Variants in VAC14 observed in about 807,000 individuals in gnomAD.
VAC14 encodes protein VAC14 homolog.
VAC14 carries 47 observed loss-of-function variants against 85.3 expected under a neutral mutation model. The ratio of observed to expected loss-of-function variants is 0.55; its 90% CI spans 0.44 to 0.70. The LOEUF is 0.70. Ranked by LOEUF, VAC14 falls within the 30% of genes least tolerant of loss-of-function variation. VAC14 has a pLI of 0.00. For synonymous variants in VAC14, 447 were observed against 430.5 expected (o/e 1.04, Z -0.47); for missense variants, 861 against 1,004.3 (o/e 0.86, Z 1.93).
At chr16:70,726,783 A>G (rs781571323) in intron 14 of VAC14, among the ~76,000 whole-genome samples, 1 of 152,232 alleles carries the variant, frequency 6.6e-6, no homozygotes, top group Non-Finnish European at 1.5e-5. Context: ...GCCTGGAGCC[A>G]GAGTAGCTGG....
At chr16:70,753,671 G>A (rs2031590277) in intron 12 of VAC14, among the ~76,000 whole-genome samples, 1 of 152,184 alleles carries the variant, frequency 6.6e-6, no homozygotes, top group Admixed American at 6.5e-5. Flanking sequence ...CAGCCCCTGG[G>A]CACCCGGGCT....
chr16:70,749,317 C>T (rs2031186862), intron 12 of VAC14, among the ~76,000 whole-genome samples: 1 of 152,256 alleles, frequency 6.6e-6, no homozygotes, highest in African/African-American at 2.4e-5. Flanking sequence ...CACTGCAGAG[C>T]ACAGCCAGCA....
intron 14 of VAC14, among the ~76,000 whole-genome samples, chr16:70,706,165 ATG>A (rs1158046200): frequency 6.6e-6 from 1 of 152,198 alleles, no homozygotes; most frequent in Admixed American, 6.5e-5. Context: ...GTCATGGGGC[ATG>A]GGGTCAGCGA....
At chr16:70,694,313 G>C (rs1304917935) in intron 17 of VAC14, among the ~76,000 whole-genome samples, 4 of 152,224 alleles carry the variant, frequency 2.6e-5, no homozygotes, top group Non-Finnish European at 5.9e-5. Flanking sequence ...GTCTTTTTAG[G>C]ATCTGACCTC....
intron 14 of VAC14, among the ~76,000 whole-genome samples, chr16:70,718,039 C>A (rs1025175918): frequency 6.6e-6 from 1 of 152,240 alleles, no homozygotes; most frequent in East Asian, 1.9e-4. Context: ...AGAACACCTG[C>A]GTTCCAGGAG....
At chr16:70,711,763 G>A (rs1189878416) in intron 14 of VAC14, among the ~76,000 whole-genome samples, 1 of 152,168 alleles carries the variant, frequency 6.6e-6, no homozygotes, top group Non-Finnish European at 1.5e-5. Context: ...TTAGTCCAGG[G>A]GTTTTGTGAA....
At chr16:70,753,910 CTCCTCTTTGTGGGGT>C (rs1422749579) in intron 12 of VAC14, among the ~76,000 whole-genome samples, 1 of 152,146 alleles carries the variant, frequency 6.6e-6, no homozygotes, top group East Asian at 1.9e-4. Context: ...GCTGGGCTGG[CTCCTCTTTGTGGGGT>C]TCCTCCTACC....
chr16:70,700,846 C>T (rs1002241129), intron 14 of VAC14, among the ~76,000 whole-genome samples: 6 of 152,204 alleles, frequency 3.9e-5, no homozygotes, highest in Admixed American at 6.5e-5. Context: ...GTGCCGTCTC[C>T]ATGACAGAGG....
intron 14 of VAC14, among the ~76,000 whole-genome samples, chr16:70,704,681 G>A (rs1370099164): frequency 6.6e-6 from 1 of 152,212 alleles, no homozygotes; most frequent in Non-Finnish European, 1.5e-5. Context: ...GACTCATCGT[G>A]GGAGCCTGGG....
At position 70,762,664 on chromosome 16, in the gene VAC14, C is replaced by CAGTG; in HGVS notation, c.1306-63_1306-60dup. On this transcript the variant is annotated intron_variant, in intron 11 of 18. Coordinates refer to ENST00000261776, the MANE Select transcript of VAC14 (RefSeq NM_018052.5). This position sits in a 1 kb window ranked among gnomAD's most constrained non-coding sequence, Gnocchi z 4.1. ...GCTCCCTTCGCCCCGGGACTACGTG[C>CAGTG]AGTGCAGTGTCCCGCTGGTGTGCAC... 1 of 1,580,762 alleles carries CAGTG rather than the reference C, an allele frequency of 6.3e-7. No individual in the cohort carries two copies. Among genetic ancestry groups the CAGTG allele is most frequent in the Non-Finnish European group, 8.7e-7 (1 of 1,153,684 alleles).
chr16:70,738,416 G>T (rs1167796231), intron 13 of VAC14, among the ~76,000 whole-genome samples: 1 of 152,222 alleles, frequency 6.6e-6, no homozygotes, highest in African/African-American at 2.4e-5. Context: ...TCAGGTCAGA[G>T]CGAGAGAGAA....
In VAC14 at chr16:70,776,032, C is replaced by A. The variant is rs542167249; in HGVS notation, c.1097-3860G>T. Among the ~76,000 whole-genome samples the A allele has an allele frequency of 2.6e-5, 4 of 152,346 alleles. No homozygotes were observed. In the East Asian group the frequency reaches 5.8e-4, roughly 22 times the overall value. Reference sequence around the variant, plus strand: ...GTAATGACAGTACCTATACCCTAAGCTTGCTATGACAATGAATGAGCTAAC... The same window carrying A: ...GTAATGACAGTACCTATACCCTAAGATTGCTATGACAATGAATGAGCTAAC... On this transcript the variant is annotated intron_variant, in intron 9 of 18. Transcript: ENST00000261776.
At chr16:70,772,354 C>G in intron 9 of VAC14, 182 bp from the exon 10 acceptor site, 1 of 576,132 alleles carries the variant, frequency 1.7e-6, no homozygotes. Context: ...CTCGATAGTC[C>G]CCAAGCTTGT....
At chr16:70,694,557 C>A (rs1021139563) in intron 17 of VAC14, among the ~76,000 whole-genome samples, 1 of 152,194 alleles carries the variant, frequency 6.6e-6, no homozygotes, top group Admixed American at 6.5e-5. Flanking sequence ...AATTCAGGCT[C>A]CAGGGCTCAG....
chr16:70,763,992 C>A (rs776863086), intron 10 of VAC14, among the ~76,000 whole-genome samples: 4 of 152,230 alleles, frequency 2.6e-5, no homozygotes, highest in Non-Finnish European at 5.9e-5. Flanking sequence ...CCGACAGGTG[C>A]AGGCCAGGGG....
intron 16 of VAC14, among the ~76,000 whole-genome samples, chr16:70,696,078 T>C (rs1276461166): frequency 2.0e-5 from 3 of 152,182 alleles, no homozygotes; most frequent in Non-Finnish European, 2.9e-5. Flanking sequence ...GGGCCACACC[T>C]AGCCCTCCAC....
intron 14 of VAC14, among the ~76,000 whole-genome samples, chr16:70,720,728 A>G (rs2054269142): frequency 1.3e-5 from 2 of 152,344 alleles, no homozygotes; most frequent in South Asian, 4.1e-4. Context: ...AATCAGGTGG[A>G]AGCAAATGCT....
At position 70,800,870 on chromosome 16, in the gene VAC14, T is replaced by C; in HGVS notation, c.31A>G (p.Thr11Ala). Residue 11 changes from threonine to alanine, a missense_variant, in exon 1 of 19, where the codon ACG (threonine) becomes GCG (alanine). This residue lies in a region of VAC14 where 629 missense variants were observed against 703.1 expected (regional missense o/e 0.89). Coordinates refer to ENST00000261776, the MANE Select transcript of VAC14 (RefSeq NM_018052.5). MNPEKDFAPLTPNIVRALNDK... is the reference protein window; with the variant it reads MNPEKDFAPLAPNIVRALNDK... The stretch of plus-strand genomic sequence containing the variant: ...TTGAGGGCGCGCACGATGTTAGGCG[T>C]GAGCGGCGCGAAATCCTTCTCGGGG... The C allele has an allele frequency of 6.2e-7, 1 of 1,603,824 alleles. No individual in the cohort carries two copies. The highest frequency in any genetic ancestry group is 8.5e-7 in the Non-Finnish European group (1 of 1,174,998).
chr16:70,781,549 C>T (rs1318424455), intron 8 of VAC14, among the ~76,000 whole-genome samples: 1 of 152,014 alleles, frequency 6.6e-6, no homozygotes, highest in Non-Finnish European at 1.5e-5. Context: ...CTCTTAGGAC[C>T]CCTTCCTAAA....
Sources: gnomAD v4.1 joint callset for allele counts (sites outside exome capture counted in the v4.1 genomes callset) on GRCh38, gnomAD v4.1.1 for gene constraint, gnomAD v4.1.1 regional missense constraint, Gnocchi (gnomAD v3.1) non-coding constraint, MANE v1.5 for transcripts, NCBI Gene and HGNC (gene_info 2026-07-23, HGNC 2026-07-21) for gene names.